The following ACOT12 variants were observed in gnomAD, a reference collection of about 807,000 sequenced individuals.
ACOT12 encodes acyl-CoA thioesterase 12, also known as acetyl-coenzyme A thioesterase.
In ACOT12, 51 loss-of-function variants were observed where a neutral mutation model predicts 67.7. The observed-to-expected ratio is 0.75, with a 90% CI of 0.60 to 0.95. ACOT12 has a LOEUF of 0.95. Ranked by LOEUF, ACOT12 falls within the 40% of genes least tolerant of loss-of-function variation. The probability of loss-of-function intolerance (pLI) is 0.00; values close to 1 mark genes in which losing one functional copy is unlikely to be tolerated. For synonymous variants in ACOT12, 251 were observed against 244.6 expected (o/e 1.03, Z -0.24); for missense variants, 734 against 708.1 (o/e 1.04, Z -0.41).
At chr5:81,383,038 T>G (rs1561352134) in intron 2 of ACOT12, among the ~76,000 whole-genome samples, 1 of 152,180 alleles carries the variant, frequency 6.6e-6, no homozygotes, top group Non-Finnish European at 1.5e-5. Flanking sequence ...AATGACAGAA[T>G]GGTTGTAGTC....
At chr5:81,343,977 T>C (rs1759289756) in intron 9 of ACOT12, 96 bp from the exon 10 acceptor site, 1 of 1,258,716 alleles carries the variant, frequency 7.9e-7, no homozygotes, top group South Asian at 1.3e-5. Context: ...CTATCAGCCA[T>C]GGATATCAGT....
At chr5:81,337,877 T>A (rs1346192298) in intron 11 of ACOT12, among the ~76,000 whole-genome samples, 1 of 152,202 alleles carries the variant, frequency 6.6e-6, no homozygotes. Flanking sequence ...GTCACATGCT[T>A]CTGCTTCCTA....
chr5:81,383,400 G>A (rs1760642436), intron 2 of ACOT12, among the ~76,000 whole-genome samples: 3 of 152,136 alleles, frequency 2.0e-5, no homozygotes, highest in African/African-American at 7.2e-5. Flanking sequence ...CCTTCATCAT[G>A]TCAATTTTTA....
rs757413283 is a variant in ACOT12, at chr5:81,332,573, T to C, written c.1295A>G (p.Asp432Gly). The change falls in exon 13 of 15, where the codon GAT becomes GGT. Residue 432 changes from aspartate (D) to glycine (G), a missense_variant. Physicochemically the swap from Asp to Gly is moderately conservative, Grantham distance 94 (BLOSUM62 -1). Coordinates refer to ENST00000307624, the MANE Select transcript of ACOT12 (RefSeq NM_130767.3). ...ACAGGTGATGTGATACAGCTGATCA[T>C]CTTCACTCACCCAGTCTATGACTTC... Reference protein sequence around the residue: ...SCEVIDWVSEDDQLYHITCPI... With the variant: ...SCEVIDWVSEGDQLYHITCPI... 6.2e-7 allele frequency: 1 copy of C among 1,614,118 alleles called. No individual in the cohort carries two copies. The highest frequency in any genetic ancestry group is 1.1e-5 in the South Asian group (1 of 91,080).
chr5:81,325,780 T>C (rs1051660467), downstream of ACOT12, among the ~76,000 whole-genome samples: 2 of 152,128 alleles, frequency 1.3e-5, no homozygotes, highest in Non-Finnish European at 2.9e-5. Flanking sequence ...TTACTGTCAA[T>C]AACTGTGAAG....
At chr5:81,321,348 C>T in the ACOT12 span, among the ~76,000 whole-genome samples, 13 of 152,220 alleles carry the variant, frequency 8.5e-5, no homozygotes, top group Non-Finnish European at 1.8e-4. Context: ...CTTCAGGCCT[C>T]TTTTGTAAGA....
chr5:81,346,151 G>C, intron 6 of ACOT12, 147 bp from the exon 7 acceptor site: 3 of 1,237,320 alleles, frequency 2.4e-6, no homozygotes, highest in Non-Finnish European at 3.3e-6. Context: ...AGGTCTGCAC[G>C]CTACCTGCCA....
chr5:81,376,893 C>T (rs1288039975), intron 2 of ACOT12, among the ~76,000 whole-genome samples: 1 of 152,086 alleles, frequency 6.6e-6, no homozygotes, highest in African/African-American at 2.4e-5. Flanking sequence ...GATTCACAGC[C>T]GAATTATACC....
At chr5:81,322,207 G>T in the ACOT12 span, among the ~76,000 whole-genome samples, 2 of 151,842 alleles carry the variant, frequency 1.3e-5, no homozygotes, top group Non-Finnish European at 2.9e-5. Flanking sequence ...TAAATAAGAA[G>T]AAATACACAA....
At chr5:81,323,962 G>A in the ACOT12 span, among the ~76,000 whole-genome samples, 2 of 144,172 alleles carry the variant, frequency 1.4e-5, no homozygotes, top group African/African-American at 5.1e-5. Flanking sequence ...ATATTTTTTA[G>A]ACAGTGTCTC....
intron 2 of ACOT12, among the ~76,000 whole-genome samples, chr5:81,384,610 T>G (rs115172889): frequency 0.021 from 3,228 of 152,236 alleles, 108 homozygotes; most frequent in African/African-American, 0.067. Flanking sequence ...CCACATAGCC[T>G]AGGTGTGTAA....
rs1759375971 is a variant in ACOT12 at position 81,346,190 on chromosome 5, C to T, written c.654-186G>A. Among the ~76,000 whole-genome samples the T allele has an allele frequency of 2.0e-5, 3 of 152,254 alleles. No homozygotes were observed. In the South Asian group the frequency reaches 6.2e-4, roughly 31 times the overall value. The stretch of plus-strand genomic sequence containing the variant: ...TTTTGGGAAATACCATGTCCCCGAG[C>T]AGTGGGGTCTTTACCCAGATGTTGA... On this transcript the variant is annotated intron_variant, in intron 6 of 14. Coordinates refer to ENST00000307624, the MANE Select transcript of ACOT12 (RefSeq NM_130767.3).
At chr5:81,340,509 C>T (rs986342046) in intron 11 of ACOT12, among the ~76,000 whole-genome samples, 1 of 152,084 alleles carries the variant, frequency 6.6e-6, no homozygotes, top group African/African-American at 2.4e-5. Flanking sequence ...TTACAGGCGC[C>T]TGCCACTGCC....
At chr5:81,373,884 G>C (rs1054422791) in intron 2 of ACOT12, among the ~76,000 whole-genome samples, 3 of 152,172 alleles carry the variant, frequency 2.0e-5, no homozygotes, top group African/African-American at 7.2e-5. Context: ...AGAGCACATG[G>C]GGGAAGGGGT....
intron 5 of ACOT12, among the ~76,000 whole-genome samples, chr5:81,359,511 C>T (rs1759835028): frequency 6.6e-6 from 1 of 152,214 alleles, no homozygotes; most frequent in African/African-American, 2.4e-5. Context: ...CAGCTTTCTG[C>T]TCTGTTGAGA....
chr5:81,334,269 G>T (rs1263279458), intron 12 of ACOT12, among the ~76,000 whole-genome samples: 2 of 152,208 alleles, frequency 1.3e-5, no homozygotes, highest in African/African-American at 4.8e-5. Flanking sequence ...ATAAGGCAGA[G>T]GGTCTGATCG....
intron 8 of ACOT12, among the ~76,000 whole-genome samples, chr5:81,344,576 G>A (rs781228695): frequency 5.9e-5 from 9 of 152,196 alleles, no homozygotes; most frequent in East Asian, 1.9e-4. Context: ...AACCTGGCAC[G>A]TGGCACAGCA....
intron 1 of ACOT12, among the ~76,000 whole-genome samples, chr5:81,391,363 C>T (rs1350001050): frequency 6.6e-6 from 1 of 152,206 alleles, no homozygotes; most frequent in Non-Finnish European, 1.5e-5. Context: ...CATTTTCTTT[C>T]AGGCTTCAAG....
rs1362725064 is a variant in ACOT12 at position 81,380,576 on chromosome 5, A to G, written c.197+5181T>C. ...GAGACTGTCTTAGAAAAAAAAAAAAAAAAAGAAAAGAAATCTATCCCACAA... is the reference window on the plus strand; with the variant it reads ...GAGACTGTCTTAGAAAAAAAAAAAAGAAAAGAAAAGAAATCTATCCCACAA... On this transcript the variant is annotated intron_variant, in intron 2 of 14. Transcript: ENST00000307624. 7.1e-5 allele frequency among the ~76,000 whole-genome samples: 9 copies of G among 126,090 alleles called. No homozygotes were observed. In the Admixed American group the frequency reaches 7.2e-4, roughly 10 times the overall value. The allele number at this position is 126,090 out of a possible 152,430, so 82.7% of individuals were successfully genotyped here.
Sources: gnomAD v4.1 joint callset for allele counts (sites outside exome capture counted in the v4.1 genomes callset) on GRCh38, gnomAD v4.1.1 for gene constraint, MANE v1.5 for transcripts, NCBI Gene and HGNC (gene_info 2026-07-23, HGNC 2026-07-21) for gene names.